Variants in CDK6 observed in about 807,000 individuals in gnomAD.
The protein encoded by CDK6 is cyclin-dependent kinase 6.
CDK6 carries 6 observed loss-of-function variants against 37.1 expected under a neutral mutation model. That is an observed-to-expected ratio of 0.16 (90% CI 0.09 to 0.32). The LOEUF is 0.32. Among genes scored for constraint, CDK6 ranks in the 10% least tolerant of loss-of-function variants. The probability of loss-of-function intolerance (pLI) is 1.00; values close to 1 mark genes in which losing one functional copy is unlikely to be tolerated. For synonymous variants in CDK6, 160 were observed against 161.3 expected (o/e 0.99, Z 0.06); for missense variants, 224 against 418.9 (o/e 0.53, Z 4.06).
At chr7:92,672,156 T>TAC (rs1585386801) in intron 4 of CDK6, among the ~76,000 whole-genome samples, 1 of 105,712 alleles carries the variant, frequency 9.5e-6, no homozygotes, top group South Asian at 3.8e-4. Flanking sequence ...TATATATATA[T>TAC]ATATACACAT....
At chr7:92,764,946 T>G (rs1443627005) in intron 3 of CDK6, among the ~76,000 whole-genome samples, 2 of 152,216 alleles carry the variant, frequency 1.3e-5, no homozygotes, top group African/African-American at 4.8e-5. Flanking sequence ...ATTGCTCTAG[T>G]AGAATGGTCC....
At chr7:92,741,460 T>C (rs1181431627) in intron 3 of CDK6, among the ~76,000 whole-genome samples, 1 of 152,214 alleles carries the variant, frequency 6.6e-6, no homozygotes, top group African/African-American at 2.4e-5. Context: ...TGAATGTCCT[T>C]ATTTTATTTG....
intron 3 of CDK6, among the ~76,000 whole-genome samples, chr7:92,740,117 T>A (rs527565833): frequency 1.3e-5 from 2 of 152,290 alleles, no homozygotes; most frequent in African/African-American, 4.8e-5. Flanking sequence ...CTGTTCACTA[T>A]AAGACAAAGG....
chr7:92,644,456 C>T (rs1796394323), intron 5 of CDK6, among the ~76,000 whole-genome samples: 1 of 152,182 alleles, frequency 6.6e-6, no homozygotes, highest in African/African-American at 2.4e-5. Context: ...ATTTGATGTT[C>T]TGAGGCCCTC....
chr7:92,694,457 A>G (rs139972029), intron 4 of CDK6, among the ~76,000 whole-genome samples: 4 of 152,340 alleles, frequency 2.6e-5, no homozygotes, highest in African/African-American at 9.6e-5. Context: ...CAGAAATCAA[A>G]CTTTAACCAA....
intron 4 of CDK6, among the ~76,000 whole-genome samples, chr7:92,718,463 A>C (rs929787694): frequency 5.3e-5 from 8 of 152,192 alleles, no homozygotes; most frequent in African/African-American, 1.9e-4. Flanking sequence ...TACAACACGC[A>C]CGAAGAGGAA....
At position 92,615,139 on chromosome 7, in the gene CDK6, C is replaced by T. The variant is rs1159351348; in HGVS notation, c.*1G>A. ...ATCAGCTTAAGGCGGCTGCTGAGGC[C>T]TCAGGCTGTATTCAGCTCCGAGGTG... On this transcript the variant is annotated 3_prime_UTR_variant, in exon 8 of 8. Transcript: ENST00000424848. The T allele has an allele frequency of 6.2e-7, 1 of 1,613,392 alleles. No individual in the cohort carries two copies. Among genetic ancestry groups the T allele is most frequent in the African/African-American group, 1.3e-5 (1 of 74,898 alleles).
At chr7:92,774,595 A>G in intron 3 of CDK6, 101 bp downstream of exon 3, 1 of 1,060,608 alleles carries the variant, frequency 9.4e-7, no homozygotes, top group Non-Finnish European at 1.3e-6. Context: ...ACCGAATTCT[A>G]AAAGTTGTAA....
At chr7:92,775,911 C>T (rs900398701) in intron 2 of CDK6, among the ~76,000 whole-genome samples, 3 of 151,916 alleles carry the variant, frequency 2.0e-5, no homozygotes, top group East Asian at 1.9e-4. Flanking sequence ...ATATTACCTC[C>T]GTTAATTTTT....
At position 92,833,186 on chromosome 7, in the gene CDK6, C is replaced by A. The variant is rs770696519; in HGVS notation, c.138G>T (p.Arg46=). Residue 46 remains arginine (R), a synonymous_variant, in exon 2 of 8, where the codon CGG becomes CGT. Transcript: ENST00000424848. The surrounding 1 kb of genome is among the most constrained non-coding windows in gnomAD (Gnocchi z 6.1). The part of the protein sequence containing the change: ...GGRFVALKRV[R]VQTGEEGMPL... ...GCATGCCCTCCTCGCCGGTCTGCAC[C>A]CGCACGCGCTTCAACGCCACGAAAC... The A allele has an allele frequency of 8.9e-5, 143 of 1,609,376 alleles. No homozygotes were observed. Among genetic ancestry groups the A allele is most frequent in the Non-Finnish European group, 1.2e-4 (142 of 1,178,598 alleles).
chr7:92,806,763 T>G (rs1800735283), intron 2 of CDK6, among the ~76,000 whole-genome samples: 1 of 152,184 alleles, frequency 6.6e-6, no homozygotes, highest in African/African-American at 2.4e-5. Context: ...CTTTGTTCAC[T>G]CTGACATTCA....
chr7:92,641,585 T>C (rs1796306904), intron 5 of CDK6, among the ~76,000 whole-genome samples: 2 of 152,244 alleles, frequency 1.3e-5, no homozygotes. Context: ...CAACCATGTA[T>C]ATTTTTGTTA....
chr7:92,792,593 T>A (rs896924297), intron 2 of CDK6, among the ~76,000 whole-genome samples: 3 of 152,086 alleles, frequency 2.0e-5, no homozygotes, highest in African/African-American at 7.2e-5. Context: ...GGAGGTGGAA[T>A]CCAGAAGATC....
chr7:92,703,235 TA>T (rs564969079), intron 4 of CDK6, among the ~76,000 whole-genome samples: 27 of 144,872 alleles, frequency 1.9e-4, no homozygotes, highest in Admixed American at 2.1e-4. Flanking sequence ...CCTCCACAAT[TA>T]AAAAAAAAAA....
chr7:92,691,832 T>A (rs978742648), intron 4 of CDK6, among the ~76,000 whole-genome samples: 1 of 152,216 alleles, frequency 6.6e-6, no homozygotes, highest in Non-Finnish European at 1.5e-5. Flanking sequence ...AGATGTCAAA[T>A]ACAGGGAAGT....
At chr7:92,757,681 T>C (rs374377869) in intron 3 of CDK6, among the ~76,000 whole-genome samples, 1 of 152,214 alleles carries the variant, frequency 6.6e-6, no homozygotes, top group East Asian at 1.9e-4. Context: ...AGTAAAGGGA[T>C]TGCTGGGTCG....
At chr7:92,630,832 A>G (rs914185574) in intron 5 of CDK6, among the ~76,000 whole-genome samples, 3 of 152,182 alleles carry the variant, frequency 2.0e-5, no homozygotes, top group African/African-American at 7.2e-5. Context: ...CTGGAAGGTC[A>G]TTTGGAGCAA....
chr7:92,641,886 AG>A (rs1464392236), intron 5 of CDK6, among the ~76,000 whole-genome samples: 1 of 152,240 alleles, frequency 6.6e-6, no homozygotes, highest in Non-Finnish European at 1.5e-5. Flanking sequence ...TAGATAAGAA[AG>A]GTAACAGTTA....
chr7:92,694,707 A>G (rs1274940723), intron 4 of CDK6, among the ~76,000 whole-genome samples: 2 of 152,220 alleles, frequency 1.3e-5, no homozygotes, highest in Non-Finnish European at 2.9e-5. Flanking sequence ...ATCAAGCATC[A>G]TTGTTCAAAC....
Sources: gnomAD v4.1 joint callset for allele counts (sites outside exome capture counted in the v4.1 genomes callset) on GRCh38, gnomAD v4.1.1 for gene constraint, Gnocchi (gnomAD v3.1) non-coding constraint, MANE v1.5 for transcripts, NCBI Gene and HGNC (gene_info 2026-07-23, HGNC 2026-07-21) for gene names.